LUZP2: variants seen among roughly 807,000 people sequenced by gnomAD.
LUZP2 encodes leucine zipper protein 2.
In LUZP2, 52 loss-of-function variants were observed where a neutral mutation model predicts 51.6. The observed-to-expected ratio is 1.01, with a 90% CI of 0.81 to 1.27. The LOEUF is 1.27. LUZP2 is among the 50% of genes most tolerant of loss of function. The pLI is 0.00. For missense variants in LUZP2, 436 were observed against 395.4 expected (o/e 1.10, Z -0.87); for synonymous variants, 154 against 137.3 (o/e 1.12, Z -0.85).
intron 7 of LUZP2, among the ~76,000 whole-genome samples, chr11:24,919,942 C>G (rs1260809376): frequency 6.6e-6 from 1 of 151,554 alleles, no homozygotes; most frequent in Non-Finnish European, 1.5e-5. Flanking sequence ...AATTGGTTAG[C>G]TAAGAAATTT....
At chr11:24,528,337 A>G (rs1850884487) in intron 1 of LUZP2, among the ~76,000 whole-genome samples, 1 of 151,138 alleles carries the variant, frequency 6.6e-6, no homozygotes, top group African/African-American at 2.4e-5. Context: ...ATGTACAAAA[A>G]CCTCTAAAGA....
intron 5 of LUZP2, among the ~76,000 whole-genome samples, chr11:24,828,417 A>T (rs543884837): frequency 6.6e-6 from 1 of 152,202 alleles, no homozygotes; most frequent in East Asian, 1.9e-4. Flanking sequence ...CCCATTGAAC[A>T]TGCAAAAATT....
Position 24,880,272 on chromosome 11 carries a change from C to T in LUZP2, c.397-25719C>T, listed in dbSNP as rs534153963. On this transcript the variant is annotated intron_variant, in intron 5 of 11. Coordinates refer to ENST00000336930, the MANE Select transcript of LUZP2 (RefSeq NM_001009909.4). ...CATTGTCTCACAATTGCTGCGCTCT[C>T]CCTCTCCCAAATTTAGACTCTCTCC... Among the ~76,000 whole-genome samples the T allele has an allele frequency of 2.5e-5, 3 of 122,130 alleles. No homozygotes were observed. In the Admixed American group the frequency reaches 2.5e-4, roughly 10 times the overall value. The allele number at this position is 122,130 out of a possible 152,430, so 80.1% of individuals were successfully genotyped here. A position where few individuals can be genotyped will look rare whatever the true frequency, so the allele number is the denominator to read the frequency against.
chr11:24,658,456 T>TA lies in LUZP2; in HGVS notation c.63-70709dup, dbSNP rs1855897244. On this transcript the variant is annotated intron_variant, in intron 1 of 11. Transcript: ENST00000336930. Reference sequence around the variant, plus strand: ...GGATTAAAGACTTAAATGTTAGACCTAAAACCATAAAAACCCTAGAAGAAA... The same window carrying TA: ...GGATTAAAGACTTAAATGTTAGACCTAAAAACCATAAAAACCCTAGAAGAAA... Among the ~76,000 whole-genome samples, 4 of 152,222 alleles carry TA rather than the reference T, an allele frequency of 2.6e-5. No individual in the cohort carries two copies. The South Asian group carries it at 8.3e-4, about 32-fold the overall frequency.
At chr11:24,939,590 AGTG>A (rs1442066684) in intron 7 of LUZP2, among the ~76,000 whole-genome samples, 1 of 152,180 alleles carries the variant, frequency 6.6e-6, no homozygotes, top group African/African-American at 2.4e-5. Context: ...CCAGTGATTA[AGTG>A]AGGAATGCAG....
chr11:24,704,511 T>A (rs779147757), intron 1 of LUZP2, among the ~76,000 whole-genome samples: 27 of 151,476 alleles, frequency 1.8e-4, no homozygotes, highest in Non-Finnish European at 3.4e-4. Flanking sequence ...ATATGTGCCA[T>A]GGCATTAATT....
intron 1 of LUZP2, among the ~76,000 whole-genome samples, chr11:24,573,794 A>G (rs563686570): frequency 2.6e-4 from 39 of 152,184 alleles, no homozygotes; most frequent in Middle Eastern, 3.4e-3. Context: ...AAAAGCACAC[A>G]GATTACCTGT....
intron 7 of LUZP2, among the ~76,000 whole-genome samples, chr11:24,918,262 A>G (rs1302340428): frequency 6.6e-6 from 1 of 152,128 alleles, no homozygotes; most frequent in Non-Finnish European, 1.5e-5. Context: ...TTCTAGATAT[A>G]CAATCATGTC....
chr11:24,931,417 A>C (rs1044921633), intron 7 of LUZP2, among the ~76,000 whole-genome samples: 1 of 152,116 alleles, frequency 6.6e-6, no homozygotes, highest in Non-Finnish European at 1.5e-5. Flanking sequence ...CTCGTTAGGT[A>C]GAATGAGAGA....
Position 24,922,315 on chromosome 11 carries a change from A to C in LUZP2, c.522+7777A>C, listed in dbSNP as rs192712429. On this transcript the variant is annotated intron_variant, in intron 7 of 11. Transcript: ENST00000336930. ...TATTTAATTTGGTACCTCTATTGTCATCTGCTCTTGAAGAGAGGGCATTGC... is the reference window on the plus strand; with the variant it reads ...TATTTAATTTGGTACCTCTATTGTCCTCTGCTCTTGAAGAGAGGGCATTGC... 2.3e-3 allele frequency among the ~76,000 whole-genome samples: 356 copies of C among 152,258 alleles called. 1 individual carries two copies. Among genetic ancestry groups the C allele is most frequent in the Non-Finnish European group, 2.9e-3 (197 of 68,024 alleles).
chr11:24,610,936 C>G (rs1375942282), intron 1 of LUZP2, among the ~76,000 whole-genome samples: 2 of 152,150 alleles, frequency 1.3e-5, no homozygotes, highest in Non-Finnish European at 2.9e-5. Context: ...GGAAGAATAA[C>G]TTTTAATGAT....
intron 1 of LUZP2, among the ~76,000 whole-genome samples, chr11:24,678,074 AAGG>A (rs199940070): frequency 0.026 from 1,632 of 61,842 alleles, 41 homozygotes; most frequent in African/African-American, 0.11. Flanking sequence ...GGAAAGGAGA[AAGG>A]GGGGGGGGGG....
intron 10 of LUZP2, among the ~76,000 whole-genome samples, chr11:25,061,113 G>A (rs1053666984): frequency 2.0e-5 from 3 of 150,602 alleles, no homozygotes; most frequent in African/African-American, 7.3e-5. Context: ...ATAGAGTTGG[G>A]ACTCAAATTC....
chr11:24,729,185 C>A lies in LUZP2; in HGVS notation c.79C>A (p.Leu27Ile). 2 of 1,569,266 alleles carry A rather than the reference C, an allele frequency of 1.3e-6. No individual in the cohort carries two copies. The change falls in exon 2 of 12, where the codon CTA (leucine) becomes ATA (isoleucine). Residue 27 changes from leucine (L) to isoleucine (I), a missense_variant. Coordinates refer to ENST00000336930, the MANE Select transcript of LUZP2 (RefSeq NM_001009909.4). The part of the protein sequence containing the change: ...VLSTRQDYEE[L>I]EKQLKEVFKE... ...CTGTGTTAGACAGGACTATGAAGAG[C>A]TAGAAAAGCAGCTGAAAGAAGTCTT...
In LUZP2 at chr11:24,890,733, A is replaced by G. The variant is rs115938027; in HGVS notation, c.397-15258A>G. On this transcript the variant is annotated intron_variant, in intron 5 of 11. Transcript: ENST00000336930. The stretch of plus-strand genomic sequence containing the variant: ...TCTTTATCCTGAGATATATTATTTC[A>G]TAGATAAGAGTCACATGTTTAATAA... Among the ~76,000 whole-genome samples the G allele has an allele frequency of 4.2e-3, 636 of 152,260 alleles. 3 individuals are homozygous for G. The highest frequency in any genetic ancestry group is 0.014 in the African/African-American group (601 of 41,560).
rs529649366 is a variant in LUZP2 at position 24,823,488 on chromosome 11, A to T, written c.396+60180A>T. Among the ~76,000 whole-genome samples, 5 of 152,242 alleles carry T rather than the reference A, an allele frequency of 3.3e-5. No individual in the cohort carries two copies. The South Asian group carries it at 1.0e-3, about 32-fold the overall frequency. ...TGAGTGTAATACAAAATATTTAAGA[A>T]TTGTAAGCAGGCCTGTATTATAATC... is the stretch of plus-strand genomic sequence containing the variant. On this transcript the variant is annotated intron_variant, in intron 5 of 11. Transcript: ENST00000336930.
At chr11:25,013,785 C>T (rs1213241892) in intron 9 of LUZP2, among the ~76,000 whole-genome samples, 1 of 151,882 alleles carries the variant, frequency 6.6e-6, no homozygotes, top group Non-Finnish European at 1.5e-5. Context: ...TTTTAGGGTA[C>T]ATGTGCACAT....
chr11:24,842,318 A>G (rs114090747), intron 5 of LUZP2, among the ~76,000 whole-genome samples: 2,071 of 150,664 alleles, frequency 0.014, 49 homozygotes, highest in African/African-American at 0.046. Flanking sequence ...AATTAAATAT[A>G]TTACCTCCCA....
intron 1 of LUZP2, among the ~76,000 whole-genome samples, chr11:24,542,690 G>C (rs1037957399): frequency 6.6e-6 from 1 of 151,908 alleles, no homozygotes; most frequent in Admixed American, 6.6e-5. Context: ...GATTTTGGCA[G>C]TATGCTAGTT....
Sources: allele counts gnomAD v4.1 joint callset (sites outside exome capture counted in the v4.1 genomes callset), GRCh38; gene constraint gnomAD v4.1.1; transcripts MANE v1.5; gene names NCBI Gene and HGNC (gene_info 2026-07-23, HGNC 2026-07-21).